The following INTS7 variants were observed in gnomAD, a reference collection of about 807,000 sequenced individuals.
INTS7 encodes the protein integrator complex subunit 7, also known as chromosome 1 open reading frame 73.
Under a neutral mutation model 109.2 loss-of-function variants are expected in INTS7, and 46 were observed. The observed-to-expected ratio is 0.42, with a 90% CI of 0.33 to 0.54. INTS7 has a LOEUF of 0.54. INTS7 is among the 20% of genes least tolerant of loss of function. INTS7 has a pLI of 0.07. For synonymous variants in INTS7, 412 were observed against 402.9 expected (o/e 1.02, Z -0.27); for missense variants, 929 against 1,132.4 (o/e 0.82, Z 2.58).
rs1048747055 is a variant in INTS7, at chr1:212,008,908, A to G, written c.557-1459T>C. ...ACCATGCCGATCCATTTCCACTACC[A>G]TCTCTTGACTAAATTATTGCAAGTC... On this transcript the variant is annotated intron_variant, in intron 5 of 19. Transcript: ENST00000366994. Among the ~76,000 whole-genome samples the G allele has an allele frequency of 1.4e-4, 22 of 152,188 alleles. No homozygotes were observed. The South Asian group carries it at 4.6e-3, about 32-fold the overall frequency.
At chr1:212,035,300 C>T (rs767870426) in intron 1 of INTS7, 44 bp downstream of exon 1, 6 of 1,309,330 alleles carry the variant, frequency 4.6e-6, no homozygotes, top group Middle Eastern at 3.6e-4. Context: ...GGCGCCACTT[C>T]CCCCCACGCC....
intron 1 of INTS7, among the ~76,000 whole-genome samples, chr1:212,029,085 A>G (rs1667047908): frequency 6.6e-6 from 1 of 152,264 alleles, no homozygotes; most frequent in Non-Finnish European, 1.5e-5. Context: ...GGGGAATACC[A>G]TAAATTATGG....
intron 1 of INTS7, among the ~76,000 whole-genome samples, chr1:212,029,248 T>C (rs1325966310): frequency 3.3e-5 from 5 of 152,316 alleles, no homozygotes; most frequent in Non-Finnish European, 7.4e-5. Context: ...AAGAAACAAT[T>C]TTAAGGCTAA....
At chr1:211,998,596 C>CTTTTAGGAGAAAG (rs1665516395) in intron 7 of INTS7, among the ~76,000 whole-genome samples, 1 of 151,490 alleles carries the variant, frequency 6.6e-6, no homozygotes, top group Non-Finnish European at 1.5e-5. Context: ...AACTATAAAA[C>CTTTTAGGAGAAAG]TTTTAGGAGA....
rs368660333 is a variant in INTS7 at position 212,020,113 on chromosome 1, G to A, written c.371+9C>T. ...ATCTCATAGTGAATTATTATAATAC[G>A]GTATATACCGGAGGGTGATGGCTCT... On this transcript the variant is annotated intron_variant, in intron 3 of 19. Transcript: ENST00000366994. 7 of 1,547,448 alleles carry A rather than the reference G, an allele frequency of 4.5e-6. No homozygotes were observed. Among genetic ancestry groups the A allele is most frequent in the Admixed American group, 2.1e-5 (1 of 48,774 alleles).
chr1:212,017,207 A>G (rs1666482921), intron 3 of INTS7, among the ~76,000 whole-genome samples, 184 bp from the exon 4 acceptor site: 2 of 152,376 alleles, frequency 1.3e-5, no homozygotes, highest in East Asian at 1.9e-4. Flanking sequence ...ACATATTTCA[A>G]TATGTCAGAA....
rs909380189 is a variant in INTS7 at position 211,945,116 on chromosome 1, G to A, written c.2416-147C>T. On this transcript the variant is annotated intron_variant, in intron 18 of 19. Coordinates refer to ENST00000366994, the MANE Select transcript of INTS7 (RefSeq NM_015434.4). ...CAGGACCTGACTGTGCCAGGACAAC[G>A]AGACAGATGTACCTTTAAAGTGCCT... 2.7e-5 allele frequency: 18 copies of A among 656,766 alleles called. No homozygotes were observed. In the Admixed American group the frequency reaches 3.1e-4, roughly 11 times the overall value. 40.7% of individuals were successfully genotyped at this position (656,766 alleles called of 1,614,324 possible). A position where few individuals can be genotyped will look rare whatever the true frequency, so the allele number is the denominator to read the frequency against.
chr1:211,948,588 A>G (rs1320391356), intron 17 of INTS7, among the ~76,000 whole-genome samples: 1 of 152,242 alleles, frequency 6.6e-6, no homozygotes, highest in East Asian at 1.9e-4. Flanking sequence ...TCTGAGGTCA[A>G]CAGCCCCTTG....
At chr1:211,958,032 C>T (rs1663446864) in intron 16 of INTS7, among the ~76,000 whole-genome samples, 2 of 150,716 alleles carry the variant, frequency 1.3e-5, no homozygotes, top group South Asian at 2.1e-4. Context: ...TCCTAAACAT[C>T]ATTTTTGCTA....
intron 3 of INTS7, among the ~76,000 whole-genome samples, chr1:212,019,207 C>T (rs778014277): frequency 5.3e-5 from 8 of 152,236 alleles, no homozygotes; most frequent in Non-Finnish European, 8.8e-5. Flanking sequence ...GCCAAGATCA[C>T]GCCACTGCCC....
intron 14 of INTS7, among the ~76,000 whole-genome samples, 190 bp from the exon 15 acceptor site, chr1:211,968,171 A>T (rs1317865571): frequency 6.6e-6 from 1 of 152,202 alleles, no homozygotes; most frequent in Admixed American, 6.5e-5. Flanking sequence ...ATGAAACTAT[A>T]CATGTTCACA....
chr1:211,976,848 ATTTAT>A, intron 11 of INTS7, 129 bp from the exon 12 acceptor site: 1 of 762,700 alleles, frequency 1.3e-6, no homozygotes, highest in Admixed American at 2.7e-5. Context: ...TTCCAATGAC[ATTTAT>A]TTAATTTTTT....
chr1:211,966,581 G>T, intron 15 of INTS7, 83 bp from the exon 16 acceptor site: 1 of 791,340 alleles, frequency 1.3e-6, no homozygotes, highest in South Asian at 1.5e-5. Context: ...AATTGGTCAA[G>T]ATTTAATGAT....
At chr1:211,952,898 G>C (rs959451355) in intron 16 of INTS7, among the ~76,000 whole-genome samples, 197 bp from the exon 17 acceptor site, 2 of 152,212 alleles carry the variant, frequency 1.3e-5, no homozygotes, top group African/African-American at 2.4e-5. Flanking sequence ...TGGCAAGCCA[G>C]AATTCAAACC....
chr1:211,960,709 C>T (rs1440139558), intron 16 of INTS7, among the ~76,000 whole-genome samples: 1 of 152,184 alleles, frequency 6.6e-6, no homozygotes, highest in Non-Finnish European at 1.5e-5. Flanking sequence ...GAAAGAATCA[C>T]AGAGCTTGAA....
intron 4 of INTS7, among the ~76,000 whole-genome samples, chr1:212,015,267 A>T (rs1666370664): frequency 6.6e-6 from 1 of 152,200 alleles, no homozygotes; most frequent in Non-Finnish European, 1.5e-5. Context: ...CGAATAGAAA[A>T]GGGGGAAATG....
intron 13 of INTS7, among the ~76,000 whole-genome samples, chr1:211,969,551 C>CTTTTTTTTTTTTTTTTT (rs36104773): frequency 1.0e-3 from 88 of 84,986 alleles, no homozygotes; most frequent in East Asian, 2.0e-3. Flanking sequence ...TTTTTCTTTT[C>CTTTTTTTTTTTTTTTTT]TTTTTTTTTT....
intron 1 of INTS7, among the ~76,000 whole-genome samples, chr1:212,027,106 G>C (rs192933534): frequency 6.6e-6 from 1 of 152,312 alleles, no homozygotes; most frequent in Admixed American, 6.5e-5. Flanking sequence ...ATTTTCTGAT[G>C]TAAGAGCCCT....
At chr1:211,963,496 C>G (rs929742376) in intron 16 of INTS7, among the ~76,000 whole-genome samples, 1 of 152,138 alleles carries the variant, frequency 6.6e-6, no homozygotes, top group Admixed American at 6.5e-5. Flanking sequence ...ATCTACGAGG[C>G]CAGCATCACC....
Sources: allele counts gnomAD v4.1 joint callset (sites outside exome capture counted in the v4.1 genomes callset), GRCh38; gene constraint gnomAD v4.1.1; transcripts MANE v1.5; gene names NCBI Gene and HGNC (gene_info 2026-07-23, HGNC 2026-07-21).